The following LRFN5 variants were observed in gnomAD, a reference collection of about 807,000 sequenced individuals.
LRFN5 encodes the protein leucine-rich repeat and fibronectin type-III domain-containing protein 5.
LRFN5 carries 24 observed loss-of-function variants against 45.6 expected under a neutral mutation model. The ratio of observed to expected loss-of-function variants is 0.53; its 90% confidence interval spans 0.38 to 0.74. LRFN5 has a LOEUF of 0.74. Ranked by LOEUF, LRFN5 falls within the 30% of genes least tolerant of loss-of-function variation. The pLI is 0.00. For missense variants in LRFN5, 776 were observed against 861.5 expected (o/e 0.90, Z 1.24); for synonymous variants, 340 against 313.8 (o/e 1.08, Z -0.88).
chr14:41,853,999 A>G (rs899194875), intron 2 of LRFN5, among the ~76,000 whole-genome samples: 4 of 152,144 alleles, frequency 2.6e-5, no homozygotes, highest in Admixed American at 6.5e-5. Context: ...TGTGTGCACT[A>G]TTATCACTTT....
intron 1 of LRFN5, among the ~76,000 whole-genome samples, chr14:41,712,086 CAA>C (rs1404682016): frequency 1.3e-5 from 2 of 152,016 alleles, no homozygotes; most frequent in African/African-American, 2.4e-5. Context: ...AATGATACAA[CAA>C]GAAGTGGAGG....
chr14:41,697,832 T>G (rs890038364), intron 1 of LRFN5, among the ~76,000 whole-genome samples: 2 of 151,960 alleles, frequency 1.3e-5, no homozygotes, highest in Admixed American at 6.6e-5. Context: ...TGATAATGTA[T>G]TCATCCAATT....
At chr14:41,675,587 AC>A (rs1412102396) in intron 1 of LRFN5, among the ~76,000 whole-genome samples, 4 of 151,844 alleles carry the variant, frequency 2.6e-5, no homozygotes, top group African/African-American at 9.7e-5. Flanking sequence ...TCAGAGGGAG[AC>A]CGTGGAAAGA....
At chr14:41,785,703 C>T (rs1475100171) in intron 2 of LRFN5, among the ~76,000 whole-genome samples, 4 of 149,604 alleles carry the variant, frequency 2.7e-5, no homozygotes, top group Admixed American at 6.6e-5. Flanking sequence ...AATGTAGAAT[C>T]GGTGGGAGGC....
intron 1 of LRFN5, among the ~76,000 whole-genome samples, chr14:41,663,382 C>A (rs1466606591): frequency 6.6e-6 from 1 of 151,938 alleles, no homozygotes; most frequent in Non-Finnish European, 1.5e-5. Context: ...GCAAAAAGGA[C>A]TTTGAGGTAT....
intron 2 of LRFN5, among the ~76,000 whole-genome samples, chr14:41,884,422 G>A (rs1890493247): frequency 6.6e-6 from 1 of 152,020 alleles, no homozygotes; most frequent in Non-Finnish European, 1.5e-5. Context: ...ATTTCATATG[G>A]CATCAAATAG....
intron 3 of LRFN5, among the ~76,000 whole-genome samples, chr14:41,888,591 T>C (rs766434218): frequency 1.4e-4 from 21 of 152,104 alleles, no homozygotes; most frequent in Non-Finnish European, 3.1e-4. Flanking sequence ...GATGTAACTA[T>C]AAAATAATGA....
At chr14:41,720,448 T>C (rs1883670180) in intron 1 of LRFN5, among the ~76,000 whole-genome samples, 1 of 152,148 alleles carries the variant, frequency 6.6e-6, no homozygotes, top group Non-Finnish European at 1.5e-5. Context: ...TTTGGATATA[T>C]ACCCAGTAAT....
At chr14:41,869,740 C>A (rs1416700025) in intron 2 of LRFN5, among the ~76,000 whole-genome samples, 1 of 151,900 alleles carries the variant, frequency 6.6e-6, no homozygotes, top group African/African-American at 2.4e-5. Flanking sequence ...CAGGGAAACT[C>A]CCCCTTATAA....
chr14:41,796,107 AAAT>A (rs1887119952), intron 2 of LRFN5, among the ~76,000 whole-genome samples: 1 of 152,004 alleles, frequency 6.6e-6, no homozygotes, highest in South Asian at 2.1e-4. Context: ...AAAAATAAAA[AAAT>A]AAATTTAAAC....
At chr14:41,791,746 C>T (rs1201202650) in intron 2 of LRFN5, among the ~76,000 whole-genome samples, 1 of 152,074 alleles carries the variant, frequency 6.6e-6, no homozygotes, top group East Asian at 1.9e-4. Context: ...TTAATCTCAA[C>T]TTTCAGGTAA....
intron 1 of LRFN5, among the ~76,000 whole-genome samples, chr14:41,737,908 A>C (rs1156718982): frequency 1.3e-5 from 2 of 152,216 alleles, no homozygotes; most frequent in Non-Finnish European, 2.9e-5. Flanking sequence ...AATATCATGT[A>C]AATGGTCATA....
At chr14:41,716,068 C>T (rs749898515) in intron 1 of LRFN5, among the ~76,000 whole-genome samples, 67 of 152,274 alleles carry the variant, frequency 4.4e-4, no homozygotes, top group African/African-American at 1.6e-3. Context: ...TATGAAGCCA[C>T]GGTCTAAGCT....
At chr14:41,680,316 A>G (rs1881828735) in intron 1 of LRFN5, among the ~76,000 whole-genome samples, 1 of 152,138 alleles carries the variant, frequency 6.6e-6, no homozygotes, top group Non-Finnish European at 1.5e-5. Flanking sequence ...GCCCAGACCC[A>G]GTGTTGTTAT....
rs1890801648 is a variant in LRFN5 at position 41,891,952 on chromosome 14, T to G, written c.2088T>G (p.His696Gln). 6.2e-7 allele frequency: 1 copy of G among 1,612,264 alleles called. No individual in the cohort carries two copies. Among genetic ancestry groups the G allele is most frequent in the African/African-American group, 1.3e-5 (1 of 74,830 alleles). ...VTEGPTSKRA[H>Q]IKPNALLTNV... ...AGGGGCCCACGTCTAAAAGAGCACA[T>G]ATAAAGCCAAGTAAGTTTATCACTT... is the stretch of plus-strand genomic sequence containing the variant. Residue 696 changes from histidine to glutamine, a missense_variant, in exon 4 of 6, where the codon CAT becomes CAG. Coordinates refer to ENST00000298119, the MANE Select transcript of LRFN5 (RefSeq NM_152447.5).
At chr14:41,822,135 T>C (rs1220176697) in intron 2 of LRFN5, among the ~76,000 whole-genome samples, 2 of 152,134 alleles carry the variant, frequency 1.3e-5, no homozygotes, top group East Asian at 3.9e-4. Context: ...TGATTATTTG[T>C]ATTTTTCATC....
intron 1 of LRFN5, among the ~76,000 whole-genome samples, chr14:41,655,878 T>C (rs926654356): frequency 2.0e-5 from 3 of 152,042 alleles, no homozygotes; most frequent in African/African-American, 4.8e-5. Flanking sequence ...AAGGATTACA[T>C]AGTTCATATA....
chr14:41,786,709 C>T (rs574194622), intron 2 of LRFN5, among the ~76,000 whole-genome samples: 4 of 151,858 alleles, frequency 2.6e-5, no homozygotes, highest in East Asian at 1.9e-4. Flanking sequence ...TCTTCATGTA[C>T]GCTTTCATTT....
intron 2 of LRFN5, among the ~76,000 whole-genome samples, chr14:41,874,998 C>G (rs775968898): frequency 1.3e-5 from 2 of 152,190 alleles, no homozygotes; most frequent in South Asian, 2.1e-4. Context: ...GTTACCCCCC[C>G]ACCAACTGGG....
Sources: gnomAD v4.1 joint callset for allele counts (sites outside exome capture counted in the v4.1 genomes callset) on GRCh38, gnomAD v4.1.1 for gene constraint, MANE v1.5 for transcripts, NCBI Gene and HGNC (gene_info 2026-07-23, HGNC 2026-07-21) for gene names.